Variants in SESN2 observed in about 807,000 individuals in gnomAD.
SESN2 encodes the protein sestrin-2.
SESN2 carries 42 observed loss-of-function variants against 56.0 expected under a neutral mutation model. The ratio of observed to expected loss-of-function variants is 0.75; its 90% CI spans 0.59 to 0.97. The LOEUF is 0.97. SESN2 is among the 50% of genes least tolerant of loss of function. The pLI is 0.00. For synonymous variants in SESN2, 264 were observed against 267.1 expected (o/e 0.99, Z 0.11); for missense variants, 507 against 649.4 (o/e 0.78, Z 2.38).
chr1:28,279,350 G>A lies in SESN2; in HGVS notation c.1356+109G>A, dbSNP rs563161497. On this transcript the variant is annotated intron_variant, in intron 9 of 9. Coordinates refer to ENST00000253063, the MANE Select transcript of SESN2 (RefSeq NM_031459.5). ...CCCCAGACTGAGTCTGTCCTGCTAG[G>A]TGGGACACCTGGGCCTATTCCTCTG... is the stretch of plus-strand genomic sequence containing the variant. 15 of 1,126,300 alleles carry A rather than the reference G, an allele frequency of 1.3e-5. No homozygotes were observed. In the Admixed American group the frequency reaches 3.4e-4, roughly 25 times the overall value. The allele number at this position is 1,126,300 out of a possible 1,614,324, so 69.8% of individuals were successfully genotyped here.
At chr1:28,270,142 G>C (rs1647707176) in intron 2 of SESN2, among the ~76,000 whole-genome samples, 1 of 152,158 alleles carries the variant, frequency 6.6e-6, no homozygotes, top group Non-Finnish European at 1.5e-5. Context: ...ACGAGGTCAG[G>C]AGATCGAGAC....
In SESN2 at chr1:28,280,824, C is replaced by G. The variant is rs757483688; in HGVS notation, c.*22C>G. On this transcript the variant is annotated 3_prime_UTR_variant, in exon 10 of 10. Coordinates refer to ENST00000253063, the MANE Select transcript of SESN2 (RefSeq NM_031459.5). ...CTGACTCCTGAGCAGGACCTGGGCC[C>G]GGTTCAGCTCCCCACAAGGACTTCT... 1 of 1,582,016 alleles carries G rather than the reference C, an allele frequency of 6.3e-7. No individual in the cohort carries two copies. Among genetic ancestry groups the G allele is most frequent in the African/African-American group, 1.3e-5 (1 of 74,268 alleles).
intron 8 of SESN2, among the ~76,000 whole-genome samples, chr1:28,277,759 T>C (rs1187595173): frequency 6.6e-6 from 1 of 152,218 alleles, no homozygotes; most frequent in Non-Finnish European, 1.5e-5. Flanking sequence ...TGTGTTTCTG[T>C]GTATTACTAG....
rs566956642 is a variant in SESN2, at chr1:28,282,416, C to A, written c.*1614C>A. The A allele has an allele frequency of 6.6e-6, 1 of 152,230 alleles. No homozygotes were observed. The highest frequency in any genetic ancestry group is 2.1e-4 in the South Asian group (1 of 4,830). The allele number at this position is 152,230 out of a possible 1,614,324, so 9.4% of individuals were successfully genotyped here. A position where few individuals can be genotyped will look rare whatever the true frequency, so the allele number is the denominator to read the frequency against. On this transcript the variant is annotated 3_prime_UTR_variant, in exon 10 of 10. Coordinates refer to ENST00000253063, the MANE Select transcript of SESN2 (RefSeq NM_031459.5). ...TGGGTAGGGAGTGGTATCCAGTGTT[C>A]AAGTGCAGAAATCTTTGGCTTTGCT...
Position 28,266,708 on chromosome 1 carries a change from G to A in SESN2, c.91-2475G>A, listed in dbSNP as rs1221642167. On this transcript the variant is annotated intron_variant, in intron 1 of 9. Transcript: ENST00000253063. Reference sequence around the variant, plus strand: ...CTGAGTAGCTGGGACTACAGGTTGTGTGCTACCATGCCCAGCTAATTTACT... The same window carrying A: ...CTGAGTAGCTGGGACTACAGGTTGTATGCTACCATGCCCAGCTAATTTACT... Among the ~76,000 whole-genome samples, 6 of 152,072 alleles carry A rather than the reference G, an allele frequency of 3.9e-5. No individual in the cohort carries two copies. In the South Asian group the frequency reaches 1.0e-3, roughly 26 times the overall value.
At chr1:28,263,838 A>G (rs1162486933) in intron 1 of SESN2, among the ~76,000 whole-genome samples, 1 of 151,804 alleles carries the variant, frequency 6.6e-6, no homozygotes, top group African/African-American at 2.4e-5. Flanking sequence ...CAAAATAGAG[A>G]CTCTGCCGCC....
At chr1:28,275,191 A>G (rs1254779157) in intron 8 of SESN2, among the ~76,000 whole-genome samples, 176 bp downstream of exon 8, 5 of 152,086 alleles carry the variant, frequency 3.3e-5, no homozygotes, top group African/African-American at 1.2e-4. Context: ...AACGTTGTAA[A>G]TGAAACTCTT....
chr1:28,270,186 C>T (rs765263061), intron 2 of SESN2, among the ~76,000 whole-genome samples: 1 of 152,072 alleles, frequency 6.6e-6, no homozygotes, highest in Non-Finnish European at 1.5e-5. Flanking sequence ...ACCGTCTCTA[C>T]TAAAAATACA....
chr1:28,274,056 C>G lies in SESN2; in HGVS notation c.918C>G (p.Pro306=). The change falls in exon 7 of 10, where the codon CCC becomes CCG. Residue 306 remains proline (P), a synonymous_variant. Coordinates refer to ENST00000253063, the MANE Select transcript of SESN2 (RefSeq NM_031459.5). ...GGTCCTCAGCTGACATCCTGGAGCCCTCTCCACACCCAGACATGCTGTGCT... is the reference window on the plus strand; with the variant it reads ...GGTCCTCAGCTGACATCCTGGAGCCGTCTCCACACCCAGACATGCTGTGCT... ...LVTPSADILE[P]SPHPDMLCFV... is the part of the protein sequence containing the mutation. 1 of 1,613,538 alleles carries G rather than the reference C, an allele frequency of 6.2e-7. No homozygotes were observed. Among genetic ancestry groups the G allele is most frequent in the Non-Finnish European group, 8.5e-7 (1 of 1,179,470 alleles).
chr1:28,279,011 T>C (rs1181446392), intron 8 of SESN2, 86 bp from the exon 9 acceptor site: 1 of 1,346,710 alleles, frequency 7.4e-7, no homozygotes, highest in Non-Finnish European at 1.1e-6. Flanking sequence ...AACACTCTGT[T>C]CTTCCCTCTG....
chr1:28,277,149 C>T (rs151174896), intron 8 of SESN2, among the ~76,000 whole-genome samples: 5,542 of 150,216 alleles, frequency 0.037, 147 homozygotes, highest in Non-Finnish European at 0.057. Flanking sequence ...CCTCATGATC[C>T]GCCCACCTTG....
intron 7 of SESN2, 58 bp from the exon 8 acceptor site, chr1:28,274,767 G>T: frequency 3.0e-6 from 4 of 1,321,166 alleles, no homozygotes; most frequent in East Asian, 2.3e-5. Context: ...GAGGATGGGG[G>T]TCTCTCTGGC....
intron 2 of SESN2, among the ~76,000 whole-genome samples, chr1:28,271,220 CAGGGATGGCATGGAGACAGCACTCAGGA>C (rs1361696006): frequency 6.6e-6 from 1 of 152,126 alleles, no homozygotes; most frequent in Non-Finnish European, 1.5e-5. Flanking sequence ...ACTGTAAGCT[CAGGGATGGCATGGAGACAGCACTCAGGA>C]AATGTGAACT....
In SESN2 at chr1:28,259,789, C is replaced by T. The variant is rs1015515765; in HGVS notation, c.-59C>T. On this transcript the variant is annotated 5_prime_UTR_variant, in exon 1 of 10. Coordinates refer to ENST00000253063, the MANE Select transcript of SESN2 (RefSeq NM_031459.5). Reference sequence around the variant, plus strand: ...TCCCGGCTTCATTCGGGCGTCCCTCCGAAACCCACTCGGGTGCACGGGTCG... The same window carrying T: ...TCCCGGCTTCATTCGGGCGTCCCTCTGAAACCCACTCGGGTGCACGGGTCG... 51 of 1,295,176 alleles carry T rather than the reference C, an allele frequency of 3.9e-5. No homozygotes were observed. The highest frequency in any genetic ancestry group is 2.2e-4 in the Middle Eastern group (1 of 4,502). 80.2% of individuals were successfully genotyped at this position (1,295,176 alleles called of 1,614,324 possible).
chr1:28,269,108 G>A (rs1647664350), intron 1 of SESN2, 75 bp from the exon 2 acceptor site: 3 of 1,074,142 alleles, frequency 2.8e-6, no homozygotes, highest in East Asian at 2.6e-5. Flanking sequence ...TTGGATAGGA[G>A]GAAGAGGCTG....
intron 1 of SESN2, among the ~76,000 whole-genome samples, chr1:28,262,615 CTG>C (rs1338518264): frequency 1.3e-5 from 1 of 74,572 alleles, no homozygotes; most frequent in Non-Finnish European, 2.4e-5. Flanking sequence ...GAGCAAGAGT[CTG>C]TCTCAAAAAA....
rs573125455 is a variant in SESN2 at position 28,264,580 on chromosome 1, G to A, written c.91-4603G>A. On this transcript the variant is annotated intron_variant, in intron 1 of 9. Transcript: ENST00000253063. ...TGTTGCACTTTTCTTGTTCTGTTAC[G>A]TGGAACTGGAATCATGCCTTTATCA... Among the ~76,000 whole-genome samples, 70 of 152,106 alleles carry A rather than the reference G, an allele frequency of 4.6e-4. 1 individual carries two copies. The highest frequency in any genetic ancestry group is 8.5e-4 in the Admixed American group (13 of 15,268).
intron 8 of SESN2, among the ~76,000 whole-genome samples, chr1:28,278,587 C>T (rs911591863): frequency 1.3e-5 from 2 of 152,114 alleles, no homozygotes; most frequent in Admixed American, 6.5e-5. Context: ...CAAAAACATA[C>T]TGAAATTAAT....
At chr1:28,271,156 T>C (rs1184731126) in intron 2 of SESN2, among the ~76,000 whole-genome samples, 1 of 152,202 alleles carries the variant, frequency 6.6e-6, no homozygotes, top group African/African-American at 2.4e-5. Context: ...GGGGAAATAA[T>C]AGTATTCACC....
Sources: gnomAD v4.1 joint callset for allele counts (sites outside exome capture counted in the v4.1 genomes callset) on GRCh38, gnomAD v4.1.1 for gene constraint, MANE v1.5 for transcripts, NCBI Gene and HGNC (gene_info 2026-07-23, HGNC 2026-07-21) for gene names.